Variants in PAFAH2 observed in about 807,000 individuals in gnomAD.
The protein encoded by PAFAH2 is platelet activating factor acetylhydrolase 2.
In PAFAH2, 42 loss-of-function variants were observed where a neutral mutation model predicts 49.0. The ratio of observed to expected loss-of-function variants is 0.86; its 90% confidence interval spans 0.67 to 1.11. The LOEUF is 1.11. PAFAH2 is among the 50% of genes least tolerant of loss of function. The probability of loss-of-function intolerance (pLI) is 0.00; values close to 1 mark genes in which losing one functional copy is unlikely to be tolerated. For synonymous variants in PAFAH2, 184 were observed against 181.3 expected (o/e 1.01, Z -0.12); for missense variants, 503 against 501.8 (o/e 1.00, Z -0.02).
chr1:25,976,182 T>A (rs1218009459), intron 8 of PAFAH2, among the ~76,000 whole-genome samples: 1 of 152,192 alleles, frequency 6.6e-6, no homozygotes, highest in Non-Finnish European at 1.5e-5. Context: ...CTTGCTCTAT[T>A]GCCCAGGCTG....
rs3738456 is a variant in PAFAH2 at position 25,972,793 on chromosome 1, G to A, written c.930-81C>T. 90 of 1,415,578 alleles carry A rather than the reference G, an allele frequency of 6.4e-5. No individual in the cohort carries two copies. The East Asian group carries it at 2.0e-3, about 32-fold the overall frequency. The allele number at this position is 1,415,578 out of a possible 1,614,324, so 87.7% of individuals were successfully genotyped here. A position where few individuals can be genotyped will look rare whatever the true frequency, so the allele number is the denominator to read the frequency against. ...GTGTTAGGCACCTACTATGTGCAAG[G>A]TGCTTTTCATGTATTATCACACTTT... On this transcript the variant is annotated intron_variant, in intron 9 of 10. Coordinates refer to ENST00000374282, the MANE Select transcript of PAFAH2 (RefSeq NM_000437.4).
chr1:25,967,010 C>T (rs1177888636), intron 10 of PAFAH2, among the ~76,000 whole-genome samples: 4 of 130,082 alleles, frequency 3.1e-5, no homozygotes, highest in Non-Finnish European at 4.7e-5. Context: ...CCAGTCTGGG[C>T]GACAGAGTGA....
intron 4 of PAFAH2, among the ~76,000 whole-genome samples, chr1:25,985,015 C>T (rs778732529): frequency 8.6e-5 from 13 of 151,876 alleles, no homozygotes; most frequent in African/African-American, 1.9e-4. Context: ...CCACCATGCC[C>T]GGCTAATTTT....
intron 3 of PAFAH2, 151 bp from the exon 4 acceptor site, chr1:25,988,478 T>G: frequency 3.3e-6 from 2 of 597,496 alleles, no homozygotes; most frequent in Non-Finnish European, 5.9e-6. Flanking sequence ...TAATCACCTA[T>G]TTCTTCTCCC....
At chr1:25,965,876 GAA>G (rs35780536) in intron 10 of PAFAH2, among the ~76,000 whole-genome samples, 24 of 108,120 alleles carry the variant, frequency 2.2e-4, no homozygotes, top group Admixed American at 8.5e-4. Context: ...AACTCAACAA[GAA>G]AAAAAAAAAC....
In PAFAH2 at chr1:25,980,363, AC is replaced by A. The variant is rs1572353670; in HGVS notation, c.666+2000del. ...TTTTGAGACGGAGTCTCGCCCTGTC[AC>A]CAGGCTGGAGTACAATGGCGCGATC... On this transcript the variant is annotated intron_variant, in intron 7 of 10. Transcript: ENST00000374282. 2.6e-5 allele frequency among the ~76,000 whole-genome samples: 4 copies of A among 151,642 alleles called. No homozygotes were observed. In the East Asian group the frequency reaches 7.8e-4, roughly 30 times the overall value.
chr1:25,969,274 T>C (rs1351966452), intron 10 of PAFAH2, among the ~76,000 whole-genome samples: 1 of 152,176 alleles, frequency 6.6e-6, no homozygotes, highest in East Asian at 1.9e-4. Context: ...TCCACTAAGA[T>C]TAAAGGCAAA....
intron 7 of PAFAH2, among the ~76,000 whole-genome samples, chr1:25,981,783 G>A (rs2049692088): frequency 6.6e-6 from 1 of 152,162 alleles, no homozygotes; most frequent in Admixed American, 6.5e-5. Context: ...CACTTAGGGA[G>A]GCCGAGGCGG....
intron 8 of PAFAH2, among the ~76,000 whole-genome samples, chr1:25,976,005 C>G (rs893179357): frequency 1.3e-5 from 2 of 152,168 alleles, no homozygotes; most frequent in African/African-American, 4.8e-5. Flanking sequence ...CCTAACACAG[C>G]AAGCTTCTTT....
chr1:25,984,437 A>G, intron 5 of PAFAH2, 23 bp downstream of exon 5: 1 of 1,599,828 alleles, frequency 6.3e-7, no homozygotes, highest in African/African-American at 1.3e-5. Context: ...CAGGCACCCA[A>G]TCCATGGCGG....
At chr1:25,992,805 G>T (rs1351708417) in intron 1 of PAFAH2, among the ~76,000 whole-genome samples, 1 of 152,188 alleles carries the variant, frequency 6.6e-6, no homozygotes, top group East Asian at 1.9e-4. Context: ...TTAATTAACC[G>T]GAGCCAATCA....
At chr1:25,977,216 G>A (rs2049606597) in intron 7 of PAFAH2, among the ~76,000 whole-genome samples, 1 of 150,032 alleles carries the variant, frequency 6.7e-6, no homozygotes. Flanking sequence ...TAGAGACGGG[G>A]TCTCGATCTC....
At chr1:25,966,976 G>T (rs1307041375) in intron 10 of PAFAH2, among the ~76,000 whole-genome samples, 1 of 147,700 alleles carries the variant, frequency 6.8e-6, no homozygotes, top group African/African-American at 2.5e-5. Flanking sequence ...AGCTTGCAGT[G>T]AGCCGAGATC....
At chr1:25,987,136 A>C (rs1399691127) in intron 4 of PAFAH2, among the ~76,000 whole-genome samples, 3 of 151,688 alleles carry the variant, frequency 2.0e-5, no homozygotes, top group Non-Finnish European at 2.9e-5. Flanking sequence ...TTGGAGGCTG[A>C]GGCAGAAGAA....
chr1:25,985,491 C>G (rs2049769225), intron 4 of PAFAH2, among the ~76,000 whole-genome samples: 1 of 152,208 alleles, frequency 6.6e-6, no homozygotes, highest in Non-Finnish European at 1.5e-5. Flanking sequence ...GTATTTTTAA[C>G]TGCCTCGCCC....
chr1:25,962,700 C>T (rs1054566977), intron 10 of PAFAH2, among the ~76,000 whole-genome samples: 4 of 151,866 alleles, frequency 2.6e-5, no homozygotes, highest in African/African-American at 7.3e-5. Context: ...TGGTGTGTGC[C>T]TGAAGTCCTA....
rs2049835667 is a variant in PAFAH2 at position 25,989,226 on chromosome 1, G to A, written c.244+222C>T. 1.3e-5 allele frequency among the ~76,000 whole-genome samples: 2 copies of A among 152,168 alleles called. 1 individual carries two copies. The highest frequency in any genetic ancestry group is 4.2e-4 in the South Asian group (2 of 4,818). On this transcript the variant is annotated intron_variant, in intron 3 of 10. Coordinates refer to ENST00000374282, the MANE Select transcript of PAFAH2 (RefSeq NM_000437.4). ...GTAACTTGCCCAAACCCCATGGCTA[G>A]TAACTTATAAAGTCTGGATTTGAAT...
chr1:25,988,456 G>A, intron 3 of PAFAH2, 129 bp from the exon 4 acceptor site: 2 of 651,292 alleles, frequency 3.1e-6, no homozygotes. Flanking sequence ...CCCCTGAGCA[G>A]CTCAGGGCAG....
intron 8 of PAFAH2, 72 bp from the exon 9 acceptor site, chr1:25,974,722 G>A (rs1011929014): frequency 1.4e-6 from 2 of 1,441,578 alleles, no homozygotes; most frequent in Non-Finnish European, 1.9e-6. Flanking sequence ...GTGGAGGGAA[G>A]GGCGGAGTTC....
Sources: allele counts gnomAD v4.1 joint callset (sites outside exome capture counted in the v4.1 genomes callset), GRCh38; gene constraint gnomAD v4.1.1; transcripts MANE v1.5; gene names NCBI Gene and HGNC (gene_info 2026-07-23, HGNC 2026-07-21).